DISP3: variants seen among roughly 807,000 people sequenced by gnomAD.
DISP3 encodes protein dispatched homolog 3.
In DISP3, 101 loss-of-function variants were observed where a neutral mutation model predicts 135.3. The observed-to-expected ratio is 0.75, with a 90% CI of 0.64 to 0.88. The LOEUF (loss-of-function observed/expected upper bound fraction) is 0.88. Ranked by LOEUF, DISP3 falls within the 40% of genes least tolerant of loss-of-function variation. DISP3 has a pLI of 0.00. For missense variants in DISP3, 1,713 were observed against 1,878.6 expected, an observed-to-expected ratio of 0.91 and a Z score of 1.63; for synonymous variants, 856 against 817.0, an observed-to-expected ratio of 1.05 and a Z score of -0.81.
chr1:11,525,911 G>C (rs1642402799), intron 12 of DISP3, among the ~76,000 whole-genome samples: 1 of 152,192 alleles, frequency 6.6e-6, no homozygotes, highest in Non-Finnish European at 1.5e-5. Flanking sequence ...CTGGGCTCAA[G>C]CGATCCTCTC....
chr1:11,535,383 C>T (rs1642681303), intron 19 of DISP3, 95 bp from the exon 20 acceptor site: 39 of 1,479,858 alleles, frequency 2.6e-5, no homozygotes, highest in Non-Finnish European at 3.4e-5. Flanking sequence ...TTTCTCCTGT[C>T]ACCTGAGGGT....
Position 11,501,546 on chromosome 1 carries a change from C to A in DISP3, c.554C>A (p.Pro185His), listed in dbSNP as rs760741784. The A allele has an allele frequency of 6.3e-7, 1 of 1,591,100 alleles. No homozygotes were observed. The highest frequency in any genetic ancestry group is 2.2e-5 in the East Asian group (1 of 44,530). Residue 185 changes from proline (P) to histidine (H), a missense_variant, in exon 2 of 21, where the codon CCT becomes CAT. This residue lies in a region of DISP3 where 571 missense variants were observed against 494.1 expected (regional missense o/e 1.16). Coordinates refer to ENST00000294484, the MANE Select transcript of DISP3 (RefSeq NM_020780.2). The surrounding 1 kb of genome is among the most constrained non-coding windows in gnomAD (Gnocchi z 4.9). ...IPAASLGGPGPYRDTSAAQKP... is the reference protein window; with the variant it reads ...IPAASLGGPGHYRDTSAAQKP... ...GCGGCCTCACTCGGTGGCCCAGGCC[C>A]TTACCGGGACACTTCCGCGGCTCAA...
chr1:11,497,940 G>A (rs1641385508), intron 1 of DISP3, among the ~76,000 whole-genome samples: 1 of 152,172 alleles, frequency 6.6e-6, no homozygotes, highest in African/African-American at 2.4e-5. Context: ...CCCTCCCCAA[G>A]GGTGTTTTAG....
chr1:11,515,591 C>CCA, intron 5 of DISP3, 88 bp downstream of exon 5: 1 of 1,510,236 alleles, frequency 6.6e-7, no homozygotes, highest in Non-Finnish European at 8.9e-7. Context: ...AGCCTGGCTT[C>CCA]CCTGGGGGCT....
intron 3 of DISP3, among the ~76,000 whole-genome samples, chr1:11,513,690 C>T (rs985384552): frequency 2.0e-4 from 31 of 152,276 alleles, no homozygotes; most frequent in African/African-American, 6.7e-4. Context: ...TTTTCAGCCT[C>T]CTTTGGGGAG....
At chr1:11,513,152 G>A (rs796601877) in intron 3 of DISP3, among the ~76,000 whole-genome samples, 4 of 152,208 alleles carry the variant, frequency 2.6e-5, no homozygotes, top group African/African-American at 7.2e-5. Flanking sequence ...AGGCATGGTG[G>A]CATGCATCTG....
At position 11,529,553 on chromosome 1, in the gene DISP3, C is replaced by T. The variant is rs1642518058; in HGVS notation, c.2799-3C>T. On this transcript the variant is annotated splice_polypyrimidine_tract_variant and splice_region_variant and intron_variant, in intron 13 of 20. Transcript: ENST00000294484. The surrounding 1 kb of genome is among the most constrained non-coding windows in gnomAD (Gnocchi z 4.7). ...CTCAGCCCAGCCTCCATTCCCTCCA[C>T]AGGAAGCTGTACTTCGCCCAGTCCC... The T allele has an allele frequency of 1.3e-6, 2 of 1,550,060 alleles. No individual in the cohort carries two copies. Among genetic ancestry groups the T allele is most frequent in the Non-Finnish European group, 1.7e-6 (2 of 1,145,776 alleles).
At chr1:11,494,930 G>A (rs1487459421) in intron 1 of DISP3, among the ~76,000 whole-genome samples, 4 of 152,178 alleles carry the variant, frequency 2.6e-5, no homozygotes, top group Admixed American at 2.6e-4. Context: ...GCTCTGGCAT[G>A]GGTTCACATC....
At chr1:11,489,776 C>G (rs1298517497) in intron 1 of DISP3, among the ~76,000 whole-genome samples, 1 of 152,226 alleles carries the variant, frequency 6.6e-6, no homozygotes, top group Non-Finnish European at 1.5e-5. Flanking sequence ...GCCACTTCTG[C>G]TGCCCCAGGC....
Position 11,479,329 on chromosome 1 carries a change from C to G in DISP3, c.-47C>G, listed in dbSNP as rs898422547. Reference sequence around the variant, plus strand: ...CGCCCCCCGACCCTCTGCGCACTCTCTCCCGCGCCGGCGGCTCAGCCTAGC... The same window carrying G: ...CGCCCCCCGACCCTCTGCGCACTCTGTCCCGCGCCGGCGGCTCAGCCTAGC... On this transcript the variant is annotated 5_prime_UTR_variant, in exon 1 of 21. Coordinates refer to ENST00000294484, the MANE Select transcript of DISP3 (RefSeq NM_020780.2). The G allele has an allele frequency of 6.5e-6, 1 of 154,704 alleles. No individual in the cohort carries two copies. The highest frequency in any genetic ancestry group is 2.4e-5 in the African/African-American group (1 of 41,464). 9.6% of individuals were successfully genotyped at this position (154,704 alleles called of 1,614,324 possible).
chr1:11,526,980 G>A, intron 13 of DISP3, 145 bp downstream of exon 13: 1 of 1,014,232 alleles, frequency 9.9e-7, no homozygotes, highest in Non-Finnish European at 1.4e-6. Context: ...GCCCAGGCTG[G>A]AGTGCAGTGG....
chr1:11,515,611 G>A (rs937315994), intron 5 of DISP3, 108 bp downstream of exon 5: 17 of 1,430,240 alleles, frequency 1.2e-5, no homozygotes, highest in East Asian at 4.8e-5. Context: ...TCTACACAGC[G>A]CCTGCTGAGG....
intron 7 of DISP3, among the ~76,000 whole-genome samples, chr1:11,518,160 C>T (rs1009318639): frequency 1.3e-5 from 2 of 152,104 alleles, no homozygotes; most frequent in African/African-American, 4.8e-5. Flanking sequence ...TTGAATCAGG[C>T]CTGGGTGGCT....
In DISP3 at chr1:11,516,084, G is replaced by A. The variant is rs374554491; in HGVS notation, c.1672G>A (p.Val558Ile). 9.7e-5 allele frequency: 156 copies of A among 1,614,022 alleles called. No individual in the cohort carries two copies. The highest frequency in any genetic ancestry group is 1.1e-4 in the Non-Finnish European group (134 of 1,180,030). The change falls in exon 6 of 21, where the codon GTC becomes ATC. Residue 558 changes from valine (V) to isoleucine (I), a missense_variant. Transcript: ENST00000294484. This position sits in a 1 kb window ranked among gnomAD's most constrained non-coding sequence, Gnocchi z 5.1. ...EDPQLRMIHT[V>I]QTAGKATFFT... ...CCCACAGCTGCGCATGATCCACACC[G>A]TCCAAACTGCAGGCAAGGCCACCTT...
intron 1 of DISP3, among the ~76,000 whole-genome samples, chr1:11,497,396 C>CT (rs914725694): frequency 1.3e-4 from 19 of 148,588 alleles, no homozygotes; most frequent in African/African-American, 2.0e-4. Context: ...TTGTATCATT[C>CT]TTTTTTTTAG....
chr1:11,536,839 G>A lies in DISP3; in HGVS notation c.*153G>A. The stretch of plus-strand genomic sequence containing the variant: ...AGGCTGACACCCACACAGATGGTGT[G>A]GACCATGCTGCCTTGTGGAGCTGGG... On this transcript the variant is annotated 3_prime_UTR_variant, in exon 21 of 21. Transcript: ENST00000294484. This position sits in a 1 kb window ranked among gnomAD's most constrained non-coding sequence, Gnocchi z 4.3. The A allele has an allele frequency of 9.5e-7, 1 of 1,055,506 alleles. No homozygotes were observed. Among genetic ancestry groups the A allele is most frequent in the Non-Finnish European group, 1.3e-6 (1 of 757,288 alleles). The allele number at this position is 1,055,506 out of a possible 1,614,324, so 65.4% of individuals were successfully genotyped here.
chr1:11,533,687 C>T (rs543277151), intron 17 of DISP3: 75 of 678,058 alleles, frequency 1.1e-4, no homozygotes, highest in African/African-American at 1.6e-4. Flanking sequence ...GCTCACCACA[C>T]GGCAAGGTGC....
At position 11,531,752 on chromosome 1, in the gene DISP3, G is replaced by A. The variant is rs2100514323; in HGVS notation, c.3375+42G>A. On this transcript the variant is annotated intron_variant, in intron 17 of 20. Coordinates refer to ENST00000294484, the MANE Select transcript of DISP3 (RefSeq NM_020780.2). The surrounding 1 kb of genome is among the most constrained non-coding windows in gnomAD (Gnocchi z 5.2). ...TCACTGGGTGCCATGCTGCGTACTT[G>A]CCCGGGGTGTGCCACCTCTGATCCC... The A allele has an allele frequency of 1.3e-6, 2 of 1,551,952 alleles. No homozygotes were observed. Among genetic ancestry groups the A allele is most frequent in the Non-Finnish European group, 1.7e-6 (2 of 1,148,588 alleles).
chr1:11,535,682 T>G (rs764394845), intron 20 of DISP3, 38 bp downstream of exon 20: 1 of 1,585,130 alleles, frequency 6.3e-7, no homozygotes, highest in Non-Finnish European at 8.6e-7. Flanking sequence ...TCCCACCACA[T>G]TGGGTCTTCT....
Sources: gnomAD v4.1 joint callset for allele counts (sites outside exome capture counted in the v4.1 genomes callset) on GRCh38, gnomAD v4.1.1 for gene constraint, gnomAD v4.1.1 regional missense constraint, Gnocchi (gnomAD v3.1) non-coding constraint, MANE v1.5 for transcripts, NCBI Gene and HGNC (gene_info 2026-07-23, HGNC 2026-07-21) for gene names.